Variants in CHMP4B observed in about 807,000 individuals in gnomAD.
The protein encoded by CHMP4B is charged multivesicular body protein 4B.
A neutral mutation model predicts 25.1 loss-of-function variants in CHMP4B; 1 was observed. That is an observed-to-expected ratio of 0.04 (90% CI 0.01 to 0.19). The LOEUF (loss-of-function observed/expected upper bound fraction) is 0.19. Ranked by LOEUF, CHMP4B falls within the 10% of genes least tolerant of loss-of-function variation. CHMP4B has a pLI of 1.00. For synonymous variants in CHMP4B, 101 were observed against 115.6 expected, an observed-to-expected ratio of 0.87 and a Z score of 0.81; for missense variants, 151 against 289.7, an observed-to-expected ratio of 0.52 and a Z score of 3.48.
intron 1 of CHMP4B, among the ~76,000 whole-genome samples, chr20:33,837,079 A>G (rs768771705): frequency 6.6e-6 from 1 of 152,314 alleles, no homozygotes; most frequent in East Asian, 1.9e-4. Flanking sequence ...AGGATTAAAT[A>G]CAAGAATAAA....
rs747448882 is a variant in CHMP4B, at chr20:33,852,067, C to T, written c.484-10C>T. ...AGGGAGGGCGCTCACTTTGTGTTTC[C>T]TTTTACTAGGATGAGCTCATGGCGG... On this transcript the variant is annotated splice_polypyrimidine_tract_variant and intron_variant, in intron 3 of 4. Transcript: ENST00000217402. The T allele has an allele frequency of 1.2e-6, 2 of 1,613,950 alleles. No homozygotes were observed. Among genetic ancestry groups the T allele is most frequent in the East Asian group, 4.5e-5 (2 of 44,882 alleles).
chr20:33,848,096 C>G (rs1265927075), intron 1 of CHMP4B, among the ~76,000 whole-genome samples: 1 of 152,094 alleles, frequency 6.6e-6, no homozygotes, highest in Non-Finnish European at 1.5e-5. Flanking sequence ...ATTTGCTGCT[C>G]ACACTGACCC....
intron 1 of CHMP4B, among the ~76,000 whole-genome samples, chr20:33,841,768 G>C (rs569770783): frequency 6.6e-6 from 1 of 152,244 alleles, no homozygotes; most frequent in Admixed American, 6.5e-5. Flanking sequence ...AGCAAACCAG[G>C]TAGCTTTTTG....
chr20:33,848,510 G>A lies in CHMP4B; in HGVS notation c.234G>A (p.Gln78=), dbSNP rs1462378074. ...ALKRKKRYEK[Q]LAQIDGTLST... is the part of the protein sequence containing the mutation. ...AGCGTAAGAAGAGGTATGAGAAGCA[G>A]CTGGCGCAGATCGACGGCACATTAT... is the stretch of plus-strand genomic sequence containing the variant. Residue 78 remains glutamine, a synonymous_variant, in exon 2 of 5, where the codon CAG becomes CAA. Transcript: ENST00000217402. 1 of 1,614,130 alleles carries A rather than the reference G, an allele frequency of 6.2e-7. No homozygotes were observed. Among genetic ancestry groups the A allele is most frequent in the African/African-American group, 1.3e-5 (1 of 74,942 alleles).
chr20:33,846,682 A>T (rs1979697913), intron 1 of CHMP4B, among the ~76,000 whole-genome samples: 1 of 152,122 alleles, frequency 6.6e-6, no homozygotes, highest in African/African-American at 2.4e-5. Flanking sequence ...GGAGCATGGG[A>T]CCTATTCATG....
rs117732424 is a variant in CHMP4B, at chr20:33,838,432, T to C, written c.191-10035T>C. The stretch of plus-strand genomic sequence containing the variant: ...AAAAGGGATGGCTGCTGCTCTGCTC[T>C]AGTGGATCGTTGCTAGGTGGCAGTG... On this transcript the variant is annotated intron_variant, in intron 1 of 4. Transcript: ENST00000217402. Among the ~76,000 whole-genome samples the C allele has an allele frequency of 2.0e-3, 305 of 152,304 alleles. 11 individuals carry two copies. In the East Asian group the frequency reaches 0.051, roughly 26 times the overall value.
intron 1 of CHMP4B, among the ~76,000 whole-genome samples, chr20:33,839,468 G>A (rs79620774): frequency 6.6e-6 from 1 of 152,322 alleles, no homozygotes; most frequent in East Asian, 1.9e-4. Context: ...CGACCTAAGT[G>A]TAGAGAGGAT....
chr20:33,830,933 G>GTTTT (rs55917511), intron 1 of CHMP4B, among the ~76,000 whole-genome samples: 1 of 102,574 alleles, frequency 9.7e-6, no homozygotes, highest in Non-Finnish European at 1.9e-5. Flanking sequence ...AAGGAACAGA[G>GTTTT]TTTTTTTTTT....
At position 33,851,051 on chromosome 20, in the gene CHMP4B, A is replaced by T. The variant is rs749993051; in HGVS notation, c.468A>T (p.Gly156=). The T allele has an allele frequency of 3.1e-6, 5 of 1,610,248 alleles. No individual in the cohort carries two copies. The highest frequency in any genetic ancestry group is 4.2e-6 in the Non-Finnish European group (5 of 1,176,562). Residue 156 remains glycine (G), a synonymous_variant, in exon 3 of 5, where the codon GGA becomes GGT. Transcript: ENST00000217402. The part of the protein sequence containing the change: ...STAISKPVGF[G]EEFDEDELMA... The stretch of plus-strand genomic sequence containing the variant: ...CAATTTCGAAACCTGTAGGGTTTGG[A>T]GAAGAGTTTGACGAGGTGAGTAGTT...
intron 1 of CHMP4B, among the ~76,000 whole-genome samples, chr20:33,837,250 C>G (rs145118578): frequency 6.6e-6 from 1 of 151,944 alleles, no homozygotes; most frequent in Admixed American, 6.6e-5. Flanking sequence ...ATTTCGGAGG[C>G]TGAGATGGGA....
chr20:33,813,160 G>C (rs1205218987), intron 1 of CHMP4B, among the ~76,000 whole-genome samples: 2 of 150,392 alleles, frequency 1.3e-5, no homozygotes, highest in South Asian at 2.1e-4. Context: ...AAAAAAAAAA[G>C]GGGGAGGAGC....
At chr20:33,850,870 A>G (rs1979826687) in intron 2 of CHMP4B, 82 bp from the exon 3 acceptor site, 3 of 972,560 alleles carry the variant, frequency 3.1e-6, no homozygotes, top group Non-Finnish European at 5.0e-6. Flanking sequence ...TGTGGGGCCC[A>G]GTTTCTGCTC....
Position 33,817,903 on chromosome 20 carries a change from CATTT to C in CHMP4B, c.190+6249_190+6252del, listed in dbSNP as rs371143963. On this transcript the variant is annotated intron_variant, in intron 1 of 4. Transcript: ENST00000217402. Reference sequence around the variant, plus strand: ...AAGCTGTTTGGCTCAAGTCAGCAATCATTTATTACGTTTCTTCTAGGTGGAAGGT... The same window carrying C: ...AAGCTGTTTGGCTCAAGTCAGCAATCATTACGTTTCTTCTAGGTGGAAGGT... Among the ~76,000 whole-genome samples, 93 of 152,274 alleles carry C rather than the reference CATTT, an allele frequency of 6.1e-4. 2 individuals carry two copies. The highest frequency in any genetic ancestry group is 2.0e-3 in the African/African-American group (84 of 41,564).
At chr20:33,852,055 A>T in intron 3 of CHMP4B, 22 bp from the exon 4 acceptor site, 1 of 1,613,540 alleles carries the variant, frequency 6.2e-7, no homozygotes, top group Non-Finnish European at 8.5e-7. Context: ...GAGGGCGCTC[A>T]CTTTGTGTTT....
intron 1 of CHMP4B, among the ~76,000 whole-genome samples, chr20:33,832,641 C>G (rs1405621245): frequency 6.6e-6 from 1 of 152,164 alleles, no homozygotes; most frequent in East Asian, 1.9e-4. Flanking sequence ...TGACCAATTA[C>G]AAGGCCCTGA....
chr20:33,837,875 G>T (rs1979430809), intron 1 of CHMP4B, among the ~76,000 whole-genome samples: 1 of 152,164 alleles, frequency 6.6e-6, no homozygotes, highest in South Asian at 2.1e-4. Flanking sequence ...TTTTGTGTTT[G>T]TTTCAATCCT....
chr20:33,813,121 T>G, intron 1 of CHMP4B, among the ~76,000 whole-genome samples: 2 of 146,276 alleles, frequency 1.4e-5, no homozygotes, highest in African/African-American at 2.5e-5. Context: ...TTGAACTGAG[T>G]CTGGAGAAGG....
chr20:33,849,336 C>T (rs1810534), intron 2 of CHMP4B, among the ~76,000 whole-genome samples: 77,761 of 152,084 alleles, frequency 0.51, 20,858 homozygotes, highest in East Asian at 0.9. Context: ...AGGTGGCTCA[C>T]GCCTATAATT....
At chr20:33,830,122 G>A (rs925259811) in intron 1 of CHMP4B, among the ~76,000 whole-genome samples, 1 of 152,236 alleles carries the variant, frequency 6.6e-6, no homozygotes, top group Non-Finnish European at 1.5e-5. Flanking sequence ...GGAGTGCTCA[G>A]CAGGATGTGG....
Sources: allele counts gnomAD v4.1 joint callset (sites outside exome capture counted in the v4.1 genomes callset), GRCh38; gene constraint gnomAD v4.1.1; transcripts MANE v1.5; gene names NCBI Gene and HGNC (gene_info 2026-07-23, HGNC 2026-07-21).